The following WWOX variants were observed in gnomAD, a reference collection of about 807,000 sequenced individuals.
WWOX encodes WW domain containing oxidoreductase.
In WWOX, 69 loss-of-function variants were observed where a neutral mutation model predicts 46.2. The observed-to-expected ratio is 1.49, with a 90% CI of 1.23 to 1.82. The LOEUF (loss-of-function observed/expected upper bound fraction) is 1.82. Ranked by LOEUF, WWOX falls within the 40% of genes most tolerant of loss-of-function variation. The probability of loss-of-function intolerance (pLI) is 0.00; values close to 1 mark genes in which losing one functional copy is unlikely to be tolerated. For synonymous variants in WWOX, 359 were observed against 202.6 expected (o/e 1.77, Z -6.56); for missense variants, 919 against 542.6 (o/e 1.69, Z -6.89).
At chr16:78,757,145 C>G in intron 8 of WWOX, 1 of 628,390 alleles carries the variant, frequency 1.6e-6, no homozygotes, top group Non-Finnish European at 2.9e-6. Context: ...AAGCTGCTCA[C>G]AAGTTTCTGC....
At chr16:78,864,953 G>T (rs1265906307) in intron 8 of WWOX, among the ~76,000 whole-genome samples, 1 of 151,334 alleles carries the variant, frequency 6.6e-6, no homozygotes, top group African/African-American at 2.4e-5. Context: ...AGTAGAGTTG[G>T]GGTTTTACCA....
chr16:78,778,778 C>T (rs190326753), intron 8 of WWOX, among the ~76,000 whole-genome samples: 13 of 152,204 alleles, frequency 8.5e-5, no homozygotes, highest in Admixed American at 4.6e-4. Context: ...CCGTCCCCAA[C>T]CCTGAGCCAT....
chr16:79,198,286 C>G (rs558603945), intron 8 of WWOX, among the ~76,000 whole-genome samples: 1 of 152,068 alleles, frequency 6.6e-6, no homozygotes, highest in African/African-American at 2.4e-5. Flanking sequence ...TGATGTAAGC[C>G]GAGATTGCGC....
chr16:78,375,520 A>G (rs991327759), intron 5 of WWOX, among the ~76,000 whole-genome samples: 2 of 152,232 alleles, frequency 1.3e-5, no homozygotes, highest in African/African-American at 4.8e-5. Context: ...AGAGACACAG[A>G]TATGAAACTG....
At chr16:78,859,331 C>T (rs1376987222) in intron 8 of WWOX, among the ~76,000 whole-genome samples, 2 of 151,914 alleles carry the variant, frequency 1.3e-5, no homozygotes, top group Non-Finnish European at 2.9e-5. Flanking sequence ...TCTCCCTACT[C>T]CCTTCCTGCA....
At chr16:79,085,254 A>C (rs568856613) in intron 8 of WWOX, among the ~76,000 whole-genome samples, 2 of 152,080 alleles carry the variant, frequency 1.3e-5, no homozygotes, top group Non-Finnish European at 2.9e-5. Context: ...TTCTCTTTCC[A>C]AACCACCTTC....
At chr16:78,884,033 C>CT (rs1466653093) in intron 8 of WWOX, among the ~76,000 whole-genome samples, 5 of 151,970 alleles carry the variant, frequency 3.3e-5, no homozygotes, top group Non-Finnish European at 7.4e-5. Context: ...AATTCCAGCA[C>CT]TTTGGGAGGC....
intron 8 of WWOX, 94 bp from the exon 9 acceptor site, chr16:79,211,514 G>T (rs1461480922): frequency 1.3e-6 from 2 of 1,523,288 alleles, no homozygotes; most frequent in East Asian, 2.3e-5. Flanking sequence ...GAACCAGGTG[G>T]GGGAGGCCTG....
intron 8 of WWOX, among the ~76,000 whole-genome samples, chr16:78,719,331 C>T (rs1353889982): frequency 6.6e-6 from 1 of 152,226 alleles, no homozygotes; most frequent in African/African-American, 2.4e-5. Context: ...CATCCCTGCT[C>T]ATTCCTCCCG....
At chr16:78,261,083 A>C (rs958070163) in intron 5 of WWOX, among the ~76,000 whole-genome samples, 2 of 151,272 alleles carry the variant, frequency 1.3e-5, no homozygotes, top group Non-Finnish European at 2.9e-5. Flanking sequence ...TGATATTCGA[A>C]GTTTTTTTTT....
At chr16:78,211,172 G>C (rs1232226538) in intron 5 of WWOX, among the ~76,000 whole-genome samples, 1 of 152,160 alleles carries the variant, frequency 6.6e-6, no homozygotes, top group East Asian at 1.9e-4. Context: ...GAAGAGAACA[G>C]ACATTGTGAG....
intron 5 of WWOX, among the ~76,000 whole-genome samples, chr16:78,332,019 A>G (rs903844607): frequency 2.0e-5 from 3 of 152,160 alleles, no homozygotes; most frequent in African/African-American, 7.2e-5. Flanking sequence ...CAAGTTTGGA[A>G]CGCCATTTAG....
chr16:78,154,427 T>G (rs888166269), intron 4 of WWOX, among the ~76,000 whole-genome samples: 9 of 151,510 alleles, frequency 5.9e-5, no homozygotes, highest in African/African-American at 2.2e-4. Flanking sequence ...TTCATGGAGC[T>G]TCATCTCTGT....
chr16:78,232,129 A>T (rs1411128403), intron 5 of WWOX, among the ~76,000 whole-genome samples: 2 of 152,182 alleles, frequency 1.3e-5, no homozygotes, highest in South Asian at 2.1e-4. Flanking sequence ...TATTTTTTTT[A>T]AAAAAATGAA....
intron 5 of WWOX, among the ~76,000 whole-genome samples, chr16:78,317,657 T>C (rs752443816): frequency 1.4e-4 from 21 of 152,152 alleles, no homozygotes; most frequent in African/African-American, 1.9e-4. Flanking sequence ...GTCTGCCTCG[T>C]TTAGGCTCTG....
In WWOX at chr16:79,095,233, C is replaced by T. The variant is rs530765136; in HGVS notation, c.1057-116375C>T. 2.0e-5 allele frequency among the ~76,000 whole-genome samples: 3 copies of T among 152,326 alleles called. No homozygotes were observed. The South Asian group carries it at 6.2e-4, about 32-fold the overall frequency. On this transcript the variant is annotated intron_variant, in intron 8 of 8. Coordinates refer to ENST00000566780, the MANE Select transcript of WWOX (RefSeq NM_016373.4). ...TCTACCCCAACAGGGCTTTCTCCCT[C>T]TGGCTGTTTTATTTAGCGGGAGAAG...
intron 8 of WWOX, among the ~76,000 whole-genome samples, chr16:78,904,234 CTTTTTTTT>C (rs5818190): frequency 1.2e-5 from 1 of 85,774 alleles, no homozygotes; most frequent in South Asian, 3.9e-4. Flanking sequence ...TTATAAATGC[CTTTTTTTT>C]TTTTTTTTTT....
intron 8 of WWOX, chr16:78,825,277 C>T (rs1461755166): frequency 7.1e-6 from 2 of 280,300 alleles, no homozygotes; most frequent in South Asian, 4.4e-5. Flanking sequence ...TGTGCAGCAG[C>T]ATGATGGCCG....
At chr16:78,319,049 C>G (rs1482924481) in intron 5 of WWOX, among the ~76,000 whole-genome samples, 3 of 152,152 alleles carry the variant, frequency 2.0e-5, no homozygotes, top group African/African-American at 7.2e-5. Context: ...CCAGGGTTAT[C>G]TGGTTGGGCA....
Sources: gnomAD v4.1 joint callset for allele counts (sites outside exome capture counted in the v4.1 genomes callset) on GRCh38, gnomAD v4.1.1 for gene constraint, MANE v1.5 for transcripts, NCBI Gene and HGNC (gene_info 2026-07-23, HGNC 2026-07-21) for gene names.